The following PCDH15 variants were observed in gnomAD, a reference collection of about 807,000 sequenced individuals.
PCDH15 encodes protocadherin-15.
In PCDH15, 129 loss-of-function variants were observed where a neutral mutation model predicts 178.5. The observed-to-expected ratio is 0.72, with a 90% CI of 0.63 to 0.84. The LOEUF (loss-of-function observed/expected upper bound fraction) is 0.84, where lower values mean the gene tolerates loss of function less well. Among genes scored for constraint, PCDH15 ranks in the 40% least tolerant of loss-of-function variants. The pLI is 0.00. For missense variants in PCDH15, 2,230 were observed against 2,099.9 expected (o/e 1.06, Z -1.21); for synonymous variants, 800 against 732.0 (o/e 1.09, Z -1.50).
At chr10:55,565,035 C>T (rs566222821) in intron 2 of PCDH15, among the ~76,000 whole-genome samples, 3 of 151,638 alleles carry the variant, frequency 2.0e-5, no homozygotes, top group African/African-American at 7.2e-5. Context: ...ATATTCTACC[C>T]CACAACAGAA....
chr10:54,580,680 C>A (rs2090953700), intron 2 of PCDH15, among the ~76,000 whole-genome samples: 1 of 151,920 alleles, frequency 6.6e-6, no homozygotes, highest in Admixed American at 6.6e-5. Context: ...CCATGATGAA[C>A]ATAAACACAA....
chr10:55,166,527 C>T (rs1839202427), intron 2 of PCDH15: 1 of 152,066 alleles, frequency 6.6e-6, no homozygotes, highest in Non-Finnish European at 1.5e-5. Flanking sequence ...TATTGTTATT[C>T]TTCAAAGGAG....
At chr10:54,800,161 GAC>G (rs1002069031) in intron 1 of PCDH15, among the ~76,000 whole-genome samples, 1 of 152,090 alleles carries the variant, frequency 6.6e-6, no homozygotes, top group African/African-American at 2.4e-5. Context: ...GTGTACTAGA[GAC>G]ACAGAGTATC....
At chr10:55,442,470 T>TATATTATATATATATAATA (rs5785132) in intron 2 of PCDH15, among the ~76,000 whole-genome samples, 1 of 124,698 alleles carries the variant, frequency 8.0e-6, no homozygotes, top group African/African-American at 3.2e-5. Context: ...TATATATATA[T>TATATTATATATATATAATA]TATATATATA....
At chr10:55,104,709 T>C (rs992114415) in intron 2 of PCDH15, among the ~76,000 whole-genome samples, 6 of 152,178 alleles carry the variant, frequency 3.9e-5, no homozygotes, top group East Asian at 1.9e-4. Flanking sequence ...CAATTTACAG[T>C]ACTATCAAGC....
At chr10:54,421,218 A>G (rs935274902) in intron 3 of PCDH15, among the ~76,000 whole-genome samples, 1 of 149,726 alleles carries the variant, frequency 6.7e-6, no homozygotes, top group African/African-American at 2.5e-5. Context: ...TTAAAACACG[A>G]GATCACTATG....
chr10:54,231,252 G>A (rs532997300), intron 9 of PCDH15, among the ~76,000 whole-genome samples: 1 of 152,310 alleles, frequency 6.6e-6, no homozygotes, highest in East Asian at 1.9e-4. Flanking sequence ...TCTAGCCATG[G>A]CTACATGGCC....
intron 2 of PCDH15, among the ~76,000 whole-genome samples, chr10:55,087,001 G>A (rs1005094710): frequency 6.6e-6 from 1 of 151,940 alleles, no homozygotes; most frequent in African/African-American, 2.4e-5. Flanking sequence ...ATTTTTGCTA[G>A]TTTTATATCA....
At chr10:53,880,325 A>C (rs2133332515) in intron 26 of PCDH15, among the ~76,000 whole-genome samples, 1 of 152,348 alleles carries the variant, frequency 6.6e-6, no homozygotes, top group Non-Finnish European at 1.5e-5. Context: ...CATTTGACCT[A>C]GAGATAAAAC....
chr10:54,524,882 T>C (rs867161132), intron 3 of PCDH15, among the ~76,000 whole-genome samples: 1 of 152,208 alleles, frequency 6.6e-6, no homozygotes, highest in Non-Finnish European at 1.5e-5. Flanking sequence ...GATGATGTAA[T>C]GAATCTGTCA....
chr10:54,612,385 T>A (rs2092991404), intron 2 of PCDH15, among the ~76,000 whole-genome samples: 1 of 151,778 alleles, frequency 6.6e-6, no homozygotes, highest in South Asian at 2.1e-4. Flanking sequence ...TTCACTAAGA[T>A]AAAAGGATCA....
At chr10:54,745,002 T>C (rs1020763496) in intron 1 of PCDH15, among the ~76,000 whole-genome samples, 2 of 152,258 alleles carry the variant, frequency 1.3e-5, no homozygotes, top group Admixed American at 6.5e-5. Flanking sequence ...AAGAATTTAT[T>C]TGACCATTAA....
chr10:54,493,791 T>G (rs941521313), intron 3 of PCDH15, among the ~76,000 whole-genome samples: 6 of 152,086 alleles, frequency 3.9e-5, no homozygotes, highest in African/African-American at 7.2e-5. Context: ...GCACACGTAT[T>G]TTTATTGCGG....
intron 1 of PCDH15, among the ~76,000 whole-genome samples, chr10:54,773,119 C>G (rs1279264659): frequency 6.6e-6 from 1 of 151,924 alleles, no homozygotes; most frequent in Non-Finnish European, 1.5e-5. Flanking sequence ...GCAGGGAGAA[C>G]ATCAGGAAGA....
At chr10:54,191,939 A>G (rs965440742) in intron 11 of PCDH15, among the ~76,000 whole-genome samples, 5 of 148,578 alleles carry the variant, frequency 3.4e-5, no homozygotes, top group African/African-American at 1.2e-4. Flanking sequence ...AAAGCAAGGG[A>G]AAGAAAAAAA....
intron 2 of PCDH15, among the ~76,000 whole-genome samples, chr10:55,328,864 G>A (rs1844107306): frequency 7.2e-6 from 1 of 138,372 alleles, no homozygotes; most frequent in South Asian, 2.3e-4. Flanking sequence ...TACAAATTTT[G>A]GTATCAACCC....
At chr10:53,948,202 C>T (rs1019246905) in intron 23 of PCDH15, among the ~76,000 whole-genome samples, 1 of 152,134 alleles carries the variant, frequency 6.6e-6, no homozygotes, top group South Asian at 2.1e-4. Context: ...TATAGAGGGC[C>T]CTTCTCACTC....
intron 2 of PCDH15, among the ~76,000 whole-genome samples, chr10:55,341,803 ATATTTTTTTTTTTTTTTTTTT>A (rs1844601940): frequency 8.8e-5 from 1 of 11,334 alleles, no homozygotes; most frequent in Non-Finnish European, 1.6e-4. Context: ...ATATATATAT[ATATTTTTTTTTTTTTTTTTTT>A]TTTTTTTAGT....
chr10:54,626,542 G>T (rs972572062), intron 2 of PCDH15, among the ~76,000 whole-genome samples: 1 of 152,226 alleles, frequency 6.6e-6, no homozygotes, highest in Non-Finnish European at 1.5e-5. Flanking sequence ...TCCACGTGGT[G>T]TTGAGCCTGC....
Sources: allele counts gnomAD v4.1 joint callset (sites outside exome capture counted in the v4.1 genomes callset), GRCh38; gene constraint gnomAD v4.1.1; transcripts MANE v1.5; gene names NCBI Gene and HGNC (gene_info 2026-07-23, HGNC 2026-07-21).